The following MROH2A variants were observed in gnomAD, a reference collection of about 807,000 sequenced individuals.
The protein encoded by MROH2A is maestro heat-like repeat-containing protein family member 2A.
A neutral mutation model predicts 200.4 loss-of-function variants in MROH2A; 174 were observed. That is an observed-to-expected ratio of 0.87 (90% CI 0.77 to 0.98). The LOEUF (loss-of-function observed/expected upper bound fraction) is 0.98. Ranked by LOEUF, MROH2A falls within the 50% of genes least tolerant of loss-of-function variation. The pLI is 0.00. For missense variants in MROH2A, 2,045 were observed against 2,139.6 expected (o/e 0.96, Z 0.87); for synonymous variants, 829 against 840.4 (o/e 0.99, Z 0.23).
chr2:233,829,589 G>A (rs1704572455), intron 37 of MROH2A, 31 bp from the exon 38 acceptor site: 4 of 1,361,704 alleles, frequency 2.9e-6, no homozygotes, highest in Non-Finnish European at 2.9e-6. Context: ...CCTGCTGCCT[G>A]CATGTCAGCC....
rs747300761 is a variant in MROH2A, at chr2:233,795,674, C to CTGG, written c.990_991insGTG (p.Leu330_Ser331insVal). On this transcript the variant is annotated inframe_insertion, in exon 9 of 42. Coordinates refer to ENST00000389758, the MANE Select transcript of MROH2A (RefSeq NM_001394639.1). ...GCAGGTCTTGAGGCAGATCCTGGAA[C>CTGG]TGTCAGTCACCACCAACACCCCTGT... 2.8e-4 allele frequency: 434 copies of CTGG among 1,551,104 alleles called. No homozygotes were observed. The highest frequency in any genetic ancestry group is 3.6e-4 in the Non-Finnish European group (417 of 1,147,066).
At chr2:233,819,547 G>A in intron 30 of MROH2A, 78 bp downstream of exon 30, 5 of 1,410,926 alleles carry the variant, frequency 3.5e-6, no homozygotes, top group Non-Finnish European at 3.8e-6. Context: ...GAAGGACGAG[G>A]GCCTCACCAG....
At chr2:233,792,764 A>G (rs956166545) in intron 5 of MROH2A, 32 bp from the exon 6 acceptor site, 4 of 1,416,360 alleles carry the variant, frequency 2.8e-6, no homozygotes, top group African/African-American at 2.9e-5. Flanking sequence ...CCCAGCCCCA[A>G]CTTCCTGTAA....
In MROH2A at chr2:233,822,564, C is replaced by T. The variant is rs75177406; in HGVS notation, c.3866+8C>T. 6.1e-3 allele frequency: 9,468 copies of T among 1,547,436 alleles called. 666 individuals are homozygous for T. In the East Asian group the frequency reaches 0.16, roughly 26 times the overall value. On this transcript the variant is annotated splice_region_variant and intron_variant, in intron 33 of 41. Transcript: ENST00000389758. ...GGAGATGAACCTGCAAAGGTGCTCTCGAGGGCGGTGGGTGCAAGGCAGCAG... is the reference window on the plus strand; with the variant it reads ...GGAGATGAACCTGCAAAGGTGCTCTTGAGGGCGGTGGGTGCAAGGCAGCAG...
Position 233,821,020 on chromosome 2 carries a change from C to T in MROH2A, c.3512+964C>T, listed in dbSNP as rs370797285. On this transcript the variant is annotated intron_variant, in intron 31 of 41. Transcript: ENST00000389758. Reference sequence around the variant, plus strand: ...GTCAGGCTGGCGTACTTGGTGGCCACGTCACACTGGCTTTCACTTAGTTTG... The same window carrying T: ...GTCAGGCTGGCGTACTTGGTGGCCATGTCACACTGGCTTTCACTTAGTTTG... 1.1e-4 allele frequency among the ~76,000 whole-genome samples: 16 copies of T among 152,268 alleles called. No homozygotes were observed. In the East Asian group the frequency reaches 1.9e-3, roughly 18 times the overall value.
chr2:233,786,964 C>T (rs190190101), intron 3 of MROH2A, among the ~76,000 whole-genome samples: 2 of 152,246 alleles, frequency 1.3e-5, no homozygotes, highest in East Asian at 1.9e-4. Flanking sequence ...ATGTAGGAAA[C>T]ACGTGCATTG....
intron 6 of MROH2A, among the ~76,000 whole-genome samples, 192 bp from the exon 7 acceptor site, chr2:233,793,481 G>A (rs1480860353): frequency 1.3e-5 from 2 of 152,138 alleles, no homozygotes; most frequent in African/African-American, 4.8e-5. Context: ...AGACACCCCC[G>A]AGTGCTCAGT....
At chr2:233,824,405 CT>C (rs754110086) in intron 35 of MROH2A, among the ~76,000 whole-genome samples, 4 of 152,216 alleles carry the variant, frequency 2.6e-5, no homozygotes, top group Non-Finnish European at 5.9e-5. Flanking sequence ...ACTCACCAAG[CT>C]TTTATAGGTT....
chr2:233,831,649 C>T (rs992772261), intron 39 of MROH2A, 109 bp downstream of exon 39: 2 of 1,211,192 alleles, frequency 1.7e-6, no homozygotes, highest in Non-Finnish European at 2.3e-6. Flanking sequence ...TGTTTACCTT[C>T]CACACATGCC....
intron 30 of MROH2A, 125 bp downstream of exon 30, chr2:233,819,594 TA>T: frequency 1.9e-6 from 2 of 1,065,788 alleles, no homozygotes; most frequent in Non-Finnish European, 2.6e-6. Context: ...CCCTGGCTGC[TA>T]AAGAGGAGGA....
At position 233,779,832 on chromosome 2, in the gene MROH2A, C is replaced by G; in HGVS notation, c.256C>G (p.Arg86Gly). ...EPSVVINTLI[R>G]CLQVPEISTQ... ...TTCTGTAGTGATAAACACTCTCATC[C>G]GCTGCCTGCAGGTGCCAGAGGTAGG... is the stretch of plus-strand genomic sequence containing the variant. Residue 86 changes from arginine to glycine, a missense_variant, in exon 3 of 42, where the codon CGC becomes GGC. Around this residue, in one of 3 missense-constraint regions of MROH2A, gnomAD observed 831 missense variants for 800.0 expected, o/e 1.04. Transcript: ENST00000389758. 1 of 1,550,140 alleles carries G rather than the reference C, an allele frequency of 6.5e-7. No homozygotes were observed.
chr2:233,803,980 A>T, intron 16 of MROH2A, 71 bp from the exon 17 acceptor site: 2 of 1,511,238 alleles, frequency 1.3e-6, no homozygotes, highest in Non-Finnish European at 1.8e-6. Context: ...TTTAAAAATG[A>T]GGACAAAGAG....
In MROH2A at chr2:233,810,109, A is replaced by C. The variant is rs929643989; in HGVS notation, c.2449-685A>C. Reference sequence around the variant, plus strand: ...TAACCTCTCCTGCCTCTATGGTAACACATAGGGCTCGGGGCCCCTGGTCAC... The same window carrying C: ...TAACCTCTCCTGCCTCTATGGTAACCCATAGGGCTCGGGGCCCCTGGTCAC... On this transcript the variant is annotated intron_variant, in intron 22 of 41. Coordinates refer to ENST00000389758, the MANE Select transcript of MROH2A (RefSeq NM_001394639.1). Among the ~76,000 whole-genome samples, 4 of 152,330 alleles carry C rather than the reference A, an allele frequency of 2.6e-5. No homozygotes were observed. In the East Asian group the frequency reaches 5.8e-4, roughly 22 times the overall value.
chr2:233,790,448 CCCCCCCTTCCTTCCTCCCT>C (rs1284439669), intron 5 of MROH2A, among the ~76,000 whole-genome samples: 4 of 24,342 alleles, frequency 1.6e-4, no homozygotes, highest in East Asian at 2.2e-3. Context: ...CTTCCTCCCT[CCCCCCCTTCCTTCCTCCCT>C]CCCTCCTTCC....
chr2:233,800,435 G>T, intron 14 of MROH2A, 120 bp downstream of exon 14: 1 of 645,298 alleles, frequency 1.5e-6, no homozygotes. Flanking sequence ...GTGTTGAGGG[G>T]CCTTCCTCTT....
rs28900417 is a variant in MROH2A, at chr2:233,780,008, T to C, written c.276+156T>C. Reference sequence around the variant, plus strand: ...GAGGTGCTTACTCCCTGAGGACCAATTGGGACCTGAGATGTTCATAATTTT... The same window carrying C: ...GAGGTGCTTACTCCCTGAGGACCAACTGGGACCTGAGATGTTCATAATTTT... On this transcript the variant is annotated intron_variant, in intron 3 of 41. Coordinates refer to ENST00000389758, the MANE Select transcript of MROH2A (RefSeq NM_001394639.1). Among the ~76,000 whole-genome samples the C allele has an allele frequency of 7.9e-3, 1,198 of 152,324 alleles. 18 individuals are homozygous for C. The highest frequency in any genetic ancestry group is 0.028 in the African/African-American group (1,149 of 41,558).
intron 15 of MROH2A, 88 bp downstream of exon 15, chr2:233,802,403 C>T: frequency 7.2e-7 from 1 of 1,392,922 alleles, no homozygotes; most frequent in East Asian, 2.5e-5. Context: ...ACATTCCTCC[C>T]ACCCTCATTC....
At chr2:233,794,591 C>T (rs943289416) in intron 8 of MROH2A, 85 bp downstream of exon 8, 26 of 705,112 alleles carry the variant, frequency 3.7e-5, no homozygotes, top group Admixed American at 2.4e-4. Context: ...GAGTGGGAGC[C>T]GGGGGGATGT....
chr2:233,796,437 G>A (rs984026521), intron 11 of MROH2A, 124 bp downstream of exon 11: 1 of 641,874 alleles, frequency 1.6e-6, no homozygotes, highest in African/African-American at 1.8e-5. Flanking sequence ...GGTGGGCCAA[G>A]AAAGCCAAGG....
Sources: gnomAD v4.1 joint callset for allele counts (sites outside exome capture counted in the v4.1 genomes callset) on GRCh38, gnomAD v4.1.1 for gene constraint, gnomAD v4.1.1 regional missense constraint, MANE v1.5 for transcripts, NCBI Gene and HGNC (gene_info 2026-07-23, HGNC 2026-07-21) for gene names.